The following SH3RF3 variants were observed in gnomAD, a reference collection of about 807,000 sequenced individuals.
The protein encoded by SH3RF3 is E3 ubiquitin-protein ligase SH3RF3.
In SH3RF3, 29 loss-of-function variants were observed where a neutral mutation model predicts 66.3. That is an observed-to-expected ratio of 0.44 (90% CI 0.33 to 0.60). SH3RF3 has a LOEUF of 0.60. Ranked by LOEUF, SH3RF3 falls within the 20% of genes least tolerant of loss-of-function variation. The probability of loss-of-function intolerance (pLI) is 0.04; values close to 1 mark genes in which losing one functional copy is unlikely to be tolerated. For synonymous variants in SH3RF3, 583 were observed against 532.0 expected, an observed-to-expected ratio of 1.10 and a Z score of -1.32; for missense variants, 1,194 against 1,190.9, an observed-to-expected ratio of 1.00 and a Z score of -0.04.
At chr2:109,314,383 T>C (rs1215582416) in intron 1 of SH3RF3, among the ~76,000 whole-genome samples, 1 of 152,180 alleles carries the variant, frequency 6.6e-6, no homozygotes, top group Non-Finnish European at 1.5e-5. Flanking sequence ...CCCATAGATC[T>C]TATAAGAGTG....
At chr2:109,159,840 C>T (rs771915785) in intron 1 of SH3RF3, among the ~76,000 whole-genome samples, 50 of 152,190 alleles carry the variant, frequency 3.3e-4, no homozygotes, top group Admixed American at 5.9e-4. Flanking sequence ...CATGATCTGT[C>T]ACTGTCTTCC....
chr2:109,133,527 C>G (rs1229721987), intron 1 of SH3RF3, among the ~76,000 whole-genome samples: 1 of 152,132 alleles, frequency 6.6e-6, no homozygotes, highest in African/African-American at 2.4e-5. Flanking sequence ...AACACAGTCA[C>G]CTTTTATGAT....
At chr2:109,488,901 A>G (rs978616878) in intron 8 of SH3RF3, among the ~76,000 whole-genome samples, 2 of 152,234 alleles carry the variant, frequency 1.3e-5, no homozygotes, top group East Asian at 1.9e-4. Flanking sequence ...CAAGCCCAGT[A>G]GCGGAGTCAG....
chr2:109,295,213 G>T (rs1681280426), intron 1 of SH3RF3, among the ~76,000 whole-genome samples: 1 of 152,210 alleles, frequency 6.6e-6, no homozygotes, highest in South Asian at 2.1e-4. Context: ...CTCATGGCAG[G>T]CATGCAGGCA....
chr2:109,176,445 A>G (rs1361026290), intron 1 of SH3RF3, among the ~76,000 whole-genome samples: 1 of 152,218 alleles, frequency 6.6e-6, no homozygotes, highest in Admixed American at 6.5e-5. Context: ...ATCAAAAGGC[A>G]TAGGGGCCAG....
chr2:109,421,671 GCA>G (rs1676882853), intron 5 of SH3RF3, among the ~76,000 whole-genome samples: 1 of 152,202 alleles, frequency 6.6e-6, no homozygotes, highest in African/African-American at 2.4e-5. Flanking sequence ...CCAGGGGAGG[GCA>G]CTTTCCACTC....
chr2:109,213,832 A>AGG (rs1679048117), intron 1 of SH3RF3, among the ~76,000 whole-genome samples: 1 of 152,208 alleles, frequency 6.6e-6, no homozygotes, highest in Non-Finnish European at 1.5e-5. Context: ...CTGGAAGGGC[A>AGG]GGGTTACAGC....
At chr2:109,298,577 G>A (rs116606745) in intron 1 of SH3RF3, among the ~76,000 whole-genome samples, 1,643 of 152,186 alleles carry the variant, frequency 0.011, 25 homozygotes, top group Non-Finnish European at 0.018. Flanking sequence ...CCTGCAGGAG[G>A]ATGAGCCCCG....
intron 1 of SH3RF3, among the ~76,000 whole-genome samples, chr2:109,136,262 G>T (rs1676812681): frequency 6.6e-6 from 1 of 152,032 alleles, no homozygotes; most frequent in Non-Finnish European, 1.5e-5. Flanking sequence ...CATTTGCTGG[G>T]GGAAATGCTC....
chr2:109,230,483 G>A (rs1558970719), intron 1 of SH3RF3, among the ~76,000 whole-genome samples: 1 of 152,168 alleles, frequency 6.6e-6, no homozygotes, highest in Non-Finnish European at 1.5e-5. Context: ...GGGGGGCTGA[G>A]GCAGGAGAAT....
At chr2:109,474,276 A>G (rs967705118) in intron 8 of SH3RF3, among the ~76,000 whole-genome samples, 1 of 152,128 alleles carries the variant, frequency 6.6e-6, no homozygotes, top group African/African-American at 2.4e-5. Context: ...TGGGAGAAAG[A>G]GCTGAAGTTT....
chr2:109,272,122 G>A (rs1249362314), intron 1 of SH3RF3, among the ~76,000 whole-genome samples: 1 of 152,230 alleles, frequency 6.6e-6, no homozygotes, highest in Non-Finnish European at 1.5e-5. Context: ...CTGGCCAGCT[G>A]TCGGAGCTGG....
intron 1 of SH3RF3, among the ~76,000 whole-genome samples, chr2:109,309,326 T>C (rs896705878): frequency 6.6e-6 from 1 of 150,544 alleles, no homozygotes; most frequent in African/African-American, 2.5e-5. Flanking sequence ...GATTTTGGGC[T>C]GAGACAAAAG....
rs977052844 is a variant in SH3RF3, at chr2:109,145,939, C to G, written c.573+15826C>G. 7.2e-5 allele frequency among the ~76,000 whole-genome samples: 11 copies of G among 152,246 alleles called. No individual in the cohort carries two copies. The East Asian group carries it at 1.9e-3, about 27-fold the overall frequency. ...CCCGAATGCCTGGGTTCATGTCTCC[C>G]TCCCCACACATTGTTGCTGTGTACC... On this transcript the variant is annotated intron_variant, in intron 1 of 9. Transcript: ENST00000309415.
chr2:109,282,142 C>G (rs965162911), intron 1 of SH3RF3, among the ~76,000 whole-genome samples: 1 of 152,076 alleles, frequency 6.6e-6, no homozygotes, highest in African/African-American at 2.4e-5. Context: ...CCCTAAGGAG[C>G]AGTTTCTGAT....
At position 109,167,298 on chromosome 2, in the gene SH3RF3, C is replaced by T. The variant is rs1055389822; in HGVS notation, c.573+37185C>T. ...TGACAAATCATAGGTACAGGAGATG[C>T]GGTAGAACCAATTAGAACAAGACTT... On this transcript the variant is annotated intron_variant, in intron 1 of 9. Coordinates refer to ENST00000309415, the MANE Select transcript of SH3RF3 (RefSeq NM_001099289.3). Among the ~76,000 whole-genome samples, 5 of 152,102 alleles carry T rather than the reference C, an allele frequency of 3.3e-5. No individual in the cohort carries two copies. The East Asian group carries it at 7.7e-4, about 23-fold the overall frequency.
intron 3 of SH3RF3, among the ~76,000 whole-genome samples, chr2:109,388,885 C>T (rs531036842): frequency 2.0e-5 from 3 of 152,268 alleles, no homozygotes; most frequent in African/African-American, 2.4e-5. Flanking sequence ...TGCTTGCCAC[C>T]TGGAGGCTTT....
intron 1 of SH3RF3, among the ~76,000 whole-genome samples, chr2:109,232,590 C>T (rs1445574657): frequency 6.6e-6 from 1 of 152,192 alleles, no homozygotes; most frequent in Non-Finnish European, 1.5e-5. Flanking sequence ...AGGAGACCAA[C>T]TGTGAGTCTC....
chr2:109,204,991 T>A (rs1678776222), intron 1 of SH3RF3, among the ~76,000 whole-genome samples: 1 of 152,148 alleles, frequency 6.6e-6, no homozygotes, highest in Non-Finnish European at 1.5e-5. Flanking sequence ...GAGGATCACT[T>A]GAAGCCAGGA....
Sources: allele counts gnomAD v4.1 joint callset (sites outside exome capture counted in the v4.1 genomes callset), GRCh38; gene constraint gnomAD v4.1.1; transcripts MANE v1.5; gene names NCBI Gene and HGNC (gene_info 2026-07-23, HGNC 2026-07-21).